GPSM2: variants seen among roughly 807,000 people sequenced by gnomAD.
GPSM2 encodes G protein signaling modulator 2.
In GPSM2, 58 loss-of-function variants were observed where a neutral mutation model predicts 78.4. The ratio of observed to expected loss-of-function variants is 0.74; its 90% CI spans 0.60 to 0.92. GPSM2 has a LOEUF of 0.92. Ranked by LOEUF, GPSM2 falls within the 40% of genes least tolerant of loss-of-function variation. The probability of loss-of-function intolerance (pLI) is 0.00; values close to 1 mark genes in which losing one functional copy is unlikely to be tolerated. For synonymous variants in GPSM2, 224 were observed against 280.2 expected (o/e 0.80, Z 2.00); for missense variants, 700 against 815.5 (o/e 0.86, Z 1.73).
At chr1:108,906,106 G>A (rs1649196516) in intron 10 of GPSM2, among the ~76,000 whole-genome samples, 1 of 152,054 alleles carries the variant, frequency 6.6e-6, no homozygotes. Context: ...AACTTAGCAT[G>A]TCCATAATGT....
At chr1:108,885,888 G>A (rs1430950706) in intron 2 of GPSM2, among the ~76,000 whole-genome samples, 7 of 152,252 alleles carry the variant, frequency 4.6e-5, no homozygotes, top group South Asian at 2.1e-4. Flanking sequence ...GGGCTAAAAG[G>A]TGGATTTTTT....
At chr1:108,890,910 G>A (rs1312815770) in intron 2 of GPSM2, among the ~76,000 whole-genome samples, 1 of 152,034 alleles carries the variant, frequency 6.6e-6, no homozygotes, top group African/African-American at 2.4e-5. Context: ...GATTTTTAAG[G>A]AATTATTAAT....
chr1:108,902,699 G>A (rs1648912507), intron 8 of GPSM2, among the ~76,000 whole-genome samples: 1 of 152,132 alleles, frequency 6.6e-6, no homozygotes, highest in Non-Finnish European at 1.5e-5. Flanking sequence ...ACCTCAGTAT[G>A]AGAGAGAACT....
At position 108,900,541 on chromosome 1, in the gene GPSM2, G is replaced by C. The variant is rs1403411129; in HGVS notation, c.798-1249G>C. Among the ~76,000 whole-genome samples the C allele has an allele frequency of 9.2e-5, 14 of 152,198 alleles. 1 individual carries two copies. The East Asian group carries it at 2.5e-3, about 27-fold the overall frequency. On this transcript the variant is annotated intron_variant, in intron 7 of 14. Transcript: ENST00000264126. Reference sequence around the variant, plus strand: ...GGCGTGAACCACCACACCCAGCCTGGAATTGTTATCAGGGCCAAACAAGAA... The same window carrying C: ...GGCGTGAACCACCACACCCAGCCTGCAATTGTTATCAGGGCCAAACAAGAA...
intron 2 of GPSM2, among the ~76,000 whole-genome samples, chr1:108,895,512 T>G (rs766738922): frequency 3.3e-5 from 5 of 152,190 alleles, no homozygotes. Context: ...CGAGTGAGCA[T>G]TTTCACCTGA....
At chr1:108,902,429 G>C (rs1036231924) in intron 8 of GPSM2, among the ~76,000 whole-genome samples, 2 of 151,788 alleles carry the variant, frequency 1.3e-5, no homozygotes, top group African/African-American at 4.8e-5. Flanking sequence ...TGGGAATTGT[G>C]GTGAACTTAG....
intron 12 of GPSM2, among the ~76,000 whole-genome samples, chr1:108,921,942 C>G (rs1650742154): frequency 1.3e-5 from 2 of 152,108 alleles, no homozygotes; most frequent in Admixed American, 1.3e-4. Flanking sequence ...AAATATAGTT[C>G]TTGCTCTCCT....
chr1:108,899,089 T>C, intron 7 of GPSM2, 95 bp downstream of exon 7: 2 of 778,866 alleles, frequency 2.6e-6, no homozygotes, highest in Non-Finnish European at 4.5e-6. Flanking sequence ...AGCAGAACTT[T>C]TGGCATCTAA....
chr1:108,921,612 C>G (rs1234230851), intron 12 of GPSM2, among the ~76,000 whole-genome samples: 5 of 152,068 alleles, frequency 3.3e-5, no homozygotes, highest in Non-Finnish European at 5.9e-5. Context: ...AATACAAAGG[C>G]CTCTTCCCTC....
At chr1:108,884,036 G>A (rs935933716) in intron 1 of GPSM2, among the ~76,000 whole-genome samples, 1 of 151,896 alleles carries the variant, frequency 6.6e-6, no homozygotes, top group African/African-American at 2.4e-5. Context: ...TCCACCTCCC[G>A]GGTTCAAGTG....
At chr1:108,882,557 G>A (rs1371169878) in intron 1 of GPSM2, 7 of 152,064 alleles carry the variant, frequency 4.6e-5, no homozygotes, top group South Asian at 2.1e-4. Context: ...TTTGATACGC[G>A]GTTGGTTGAA....
chr1:108,882,584 C>T (rs1223701269), intron 1 of GPSM2: 1 of 152,146 alleles, frequency 6.6e-6, no homozygotes, highest in Non-Finnish European at 1.5e-5. Context: ...ATGCAGAACC[C>T]ACAGATCTGG....
chr1:108,901,784 T>G lies in GPSM2; in HGVS notation c.798-6T>G. The G allele has an allele frequency of 6.2e-7, 1 of 1,604,092 alleles. No individual in the cohort carries two copies. Among genetic ancestry groups the G allele is most frequent in the Non-Finnish European group, 8.5e-7 (1 of 1,170,780 alleles). ...TCATTATATAAGAATTAATTTCTTC[T>G]TGTAGGAAGACACTACTGTTGGCCC... On this transcript the variant is annotated splice_polypyrimidine_tract_variant and splice_region_variant and intron_variant, in intron 7 of 14. Coordinates refer to ENST00000264126, the MANE Select transcript of GPSM2 (RefSeq NM_013296.5).
At chr1:108,922,220 T>TA (rs1650766870) in intron 12 of GPSM2, among the ~76,000 whole-genome samples, 197 bp from the exon 13 acceptor site, 2 of 152,330 alleles carry the variant, frequency 1.3e-5, no homozygotes, top group South Asian at 4.1e-4. Flanking sequence ...ATACAGGAAT[T>TA]AAAAAATGAA....
Position 108,922,586 on chromosome 1 carries a change from CT to C in GPSM2, c.1600+11del. 1 of 1,602,930 alleles carries C rather than the reference CT, an allele frequency of 6.2e-7. No individual in the cohort carries two copies. Among genetic ancestry groups the C allele is most frequent in the East Asian group, 2.2e-5 (1 of 44,778 alleles). On this transcript the variant is annotated intron_variant, in intron 13 of 14. Coordinates refer to ENST00000264126, the MANE Select transcript of GPSM2 (RefSeq NM_013296.5). ...AAAATGATGCTAAAAAGTAAGTCAT[CT>C]CTGTTTCTCCCCCGATTTTAATAGT...
chr1:108,909,150 G>A (rs1273408028), intron 10 of GPSM2, among the ~76,000 whole-genome samples: 1 of 152,104 alleles, frequency 6.6e-6, no homozygotes, highest in Non-Finnish European at 1.5e-5. Flanking sequence ...ACACACGTAT[G>A]TGTATGTATG....
chr1:108,914,616 T>A (rs923094332), intron 11 of GPSM2, among the ~76,000 whole-genome samples: 3 of 152,160 alleles, frequency 2.0e-5, no homozygotes, highest in African/African-American at 7.2e-5. Context: ...CATGCATATA[T>A]TTCCTTTGTA....
chr1:108,926,522 C>T (rs1246893602), intron 14 of GPSM2: 2 of 152,158 alleles, frequency 1.3e-5, no homozygotes, highest in East Asian at 1.9e-4. Flanking sequence ...TAGCAGCGCC[C>T]CTGCTGTAAA....
At chr1:108,920,822 T>C (rs1020704555) in intron 12 of GPSM2, among the ~76,000 whole-genome samples, 1 of 152,224 alleles carries the variant, frequency 6.6e-6, no homozygotes, top group Admixed American at 6.5e-5. Context: ...TAAGCTCACT[T>C]AGCTCAACTG....
Sources: gnomAD v4.1 joint callset for allele counts (sites outside exome capture counted in the v4.1 genomes callset) on GRCh38, gnomAD v4.1.1 for gene constraint, MANE v1.5 for transcripts, NCBI Gene and HGNC (gene_info 2026-07-23, HGNC 2026-07-21) for gene names.